KCNQ3: variants seen among roughly 807,000 people sequenced by gnomAD.
KCNQ3 encodes the protein potassium voltage-gated channel subfamily Q member 3.
A neutral mutation model predicts 92.5 loss-of-function variants in KCNQ3; 30 were observed. The ratio of observed to expected loss-of-function variants is 0.32; its 90% CI spans 0.24 to 0.44. The LOEUF is 0.44. Among genes scored for constraint, KCNQ3 ranks in the 20% least tolerant of loss-of-function variants. The pLI is 1.00. For synonymous variants in KCNQ3, 450 were observed against 468.8 expected (o/e 0.96, Z 0.52); for missense variants, 913 against 1,140.3 (o/e 0.80, Z 2.87).
chr8:132,341,392 C>T (rs1176396751), intron 1 of KCNQ3, among the ~76,000 whole-genome samples: 5 of 152,200 alleles, frequency 3.3e-5, no homozygotes. Flanking sequence ...AATGTCCCCT[C>T]TTTCTGGGCC....
chr8:132,160,727 G>C (rs1825959695), intron 9 of KCNQ3, among the ~76,000 whole-genome samples: 1 of 151,788 alleles, frequency 6.6e-6, no homozygotes, highest in Admixed American at 6.6e-5. Context: ...TTTGTTTGAG[G>C]AATAAAAGCT....
At chr8:132,263,590 A>C (rs577933150) in intron 1 of KCNQ3, among the ~76,000 whole-genome samples, 86 of 152,370 alleles carry the variant, frequency 5.6e-4, no homozygotes, top group African/African-American at 1.9e-3. Flanking sequence ...TAAATACACC[A>C]TAAGGAACAA....
intron 1 of KCNQ3, among the ~76,000 whole-genome samples, chr8:132,429,545 G>A (rs544756104): frequency 6.6e-6 from 1 of 152,220 alleles, no homozygotes; most frequent in East Asian, 1.9e-4. Flanking sequence ...TCAATAAATA[G>A]AAGAAGAAAG....
intron 1 of KCNQ3, among the ~76,000 whole-genome samples, chr8:132,397,473 T>C (rs1292646001): frequency 6.6e-6 from 1 of 152,218 alleles, no homozygotes; most frequent in Non-Finnish European, 1.5e-5. Context: ...TAAGACTATC[T>C]ACGCTGCATA....
rs9642907 is a variant in KCNQ3, at chr8:132,157,853, G to A, written c.1262+5615C>T. 4.0e-3 allele frequency among the ~76,000 whole-genome samples: 610 copies of A among 151,820 alleles called. 5 individuals carry two copies. In the East Asian group the frequency reaches 0.058, roughly 14 times the overall value. On this transcript the variant is annotated intron_variant, in intron 9 of 14. Coordinates refer to ENST00000388996, the MANE Select transcript of KCNQ3 (RefSeq NM_004519.4). ...TGCCCCCCATCCACCGACAGGCCCC[G>A]GTGTGTGATGTTCCCCTCCCTGTGT...
At chr8:132,245,705 G>A (rs1815150922) in intron 1 of KCNQ3, among the ~76,000 whole-genome samples, 1 of 152,050 alleles carries the variant, frequency 6.6e-6, no homozygotes, top group East Asian at 1.9e-4. Context: ...TTCCGTGTAT[G>A]TCTCAGAAAC....
intron 1 of KCNQ3, among the ~76,000 whole-genome samples, chr8:132,198,046 A>ATTT (rs1379137625): frequency 4.9e-4 from 74 of 152,334 alleles, no homozygotes; most frequent in African/African-American, 1.8e-3. Context: ...GTTTCCAGTC[A>ATTT]ATAGACTACA....
At chr8:132,220,515 G>A (rs752916451) in intron 1 of KCNQ3, among the ~76,000 whole-genome samples, 3 of 152,160 alleles carry the variant, frequency 2.0e-5, no homozygotes, top group Admixed American at 6.6e-5. Flanking sequence ...TTGGGAGGCC[G>A]AGGCAGGTGG....
intron 1 of KCNQ3, among the ~76,000 whole-genome samples, chr8:132,266,807 T>C (rs775989420): frequency 6.6e-5 from 10 of 152,156 alleles, no homozygotes; most frequent in Non-Finnish European, 1.5e-4. Flanking sequence ...GGTGATGGTG[T>C]TGGTCCAGGA....
intron 1 of KCNQ3, among the ~76,000 whole-genome samples, chr8:132,410,833 T>C (rs1456241381): frequency 1.3e-5 from 2 of 152,232 alleles, no homozygotes; most frequent in African/African-American, 4.8e-5. Flanking sequence ...GCGTGACAGA[T>C]GGCAAAGTGG....
At chr8:132,166,839 C>T (rs1460037109) in intron 8 of KCNQ3, among the ~76,000 whole-genome samples, 1 of 152,146 alleles carries the variant, frequency 6.6e-6, no homozygotes, top group Non-Finnish European at 1.5e-5. Flanking sequence ...AAACCTTTGG[C>T]AGGAATCTAA....
chr8:132,218,313 C>T (rs969369885), intron 1 of KCNQ3, among the ~76,000 whole-genome samples: 31 of 152,328 alleles, frequency 2.0e-4, no homozygotes, highest in East Asian at 1.9e-4. Flanking sequence ...AAAACAGAAA[C>T]GTAAATGGAC....
At chr8:132,269,085 GTTGT>G (rs1453280142) in intron 1 of KCNQ3, among the ~76,000 whole-genome samples, 15 of 152,150 alleles carry the variant, frequency 9.9e-5, no homozygotes, top group Admixed American at 7.2e-4. Flanking sequence ...TTTTAAATGA[GTTGT>G]TTGTTTTCTT....
intron 1 of KCNQ3, among the ~76,000 whole-genome samples, chr8:132,242,586 G>A (rs1271986742): frequency 6.6e-6 from 1 of 151,950 alleles, no homozygotes; most frequent in Admixed American, 6.6e-5. Flanking sequence ...TCCTCTTTCT[G>A]GACTATGTAA....
intron 1 of KCNQ3, among the ~76,000 whole-genome samples, chr8:132,340,032 A>G (rs1310419367): frequency 6.6e-6 from 1 of 152,192 alleles, no homozygotes; most frequent in Non-Finnish European, 1.5e-5. Flanking sequence ...ACTGGTCATT[A>G]GAGAAATGCA....
At chr8:132,298,562 G>A (rs925084095) in intron 1 of KCNQ3, among the ~76,000 whole-genome samples, 8 of 152,210 alleles carry the variant, frequency 5.3e-5, no homozygotes, top group African/African-American at 1.9e-4. Context: ...GATGGGGTGG[G>A]GGAGCCTTAA....
intron 1 of KCNQ3, among the ~76,000 whole-genome samples, chr8:132,355,514 C>A (rs562959631): frequency 2.0e-5 from 3 of 152,248 alleles, no homozygotes; most frequent in Admixed American, 1.3e-4. Context: ...AATCAGGACC[C>A]TTTCCTGGAA....
intron 9 of KCNQ3, among the ~76,000 whole-genome samples, chr8:132,161,058 A>C (rs1825969144): frequency 6.6e-6 from 1 of 152,126 alleles, no homozygotes; most frequent in African/African-American, 2.4e-5. Flanking sequence ...AGTCATTGTA[A>C]GAATTCAGCT....
chr8:132,463,553 A>G (rs1822107837), intron 1 of KCNQ3, among the ~76,000 whole-genome samples: 1 of 152,184 alleles, frequency 6.6e-6, no homozygotes, highest in South Asian at 2.1e-4. Flanking sequence ...GACCTCTAAT[A>G]TGATTGCAAA....
Sources: gnomAD v4.1 joint callset for allele counts (sites outside exome capture counted in the v4.1 genomes callset) on GRCh38, gnomAD v4.1.1 for gene constraint, MANE v1.5 for transcripts, NCBI Gene and HGNC (gene_info 2026-07-23, HGNC 2026-07-21) for gene names.